GNB1: variants seen among roughly 807,000 people sequenced by gnomAD.
GNB1 encodes the protein G protein subunit beta 1.
GNB1 carries 2 observed loss-of-function variants against 42.9 expected under a neutral mutation model. That is an observed-to-expected ratio of 0.05 (90% CI 0.02 to 0.15). The LOEUF is 0.15. Ranked by LOEUF, GNB1 falls within the 10% of genes least tolerant of loss-of-function variation. The probability of loss-of-function intolerance (pLI) is 1.00; values close to 1 mark genes in which losing one functional copy is unlikely to be tolerated. For missense variants in GNB1, 193 were observed against 462.2 expected (o/e 0.42, Z 5.34); for synonymous variants, 183 against 174.7 (o/e 1.05, Z -0.38).
intron 1 of GNB1, among the ~76,000 whole-genome samples, chr1:1,848,349 A>G (rs1647787393): frequency 8.0e-6 from 1 of 124,988 alleles, no homozygotes; most frequent in African/African-American, 2.8e-5. Flanking sequence ...ATTGCACTCC[A>G]GCCCAGGCAA....
chr1:1,834,888 T>C, intron 2 of GNB1, among the ~76,000 whole-genome samples: 1 of 152,028 alleles, frequency 6.6e-6, no homozygotes, highest in Admixed American at 6.6e-5. Flanking sequence ...CAGGATGGTC[T>C]TGATCTCCTG....
chr1:1,800,041 T>TA (rs1318185119), intron 7 of GNB1, among the ~76,000 whole-genome samples: 4 of 152,220 alleles, frequency 2.6e-5, no homozygotes, highest in Non-Finnish European at 5.9e-5. Context: ...GACTGCCTGA[T>TA]ACAATGACAC....
chr1:1,814,985 G>C (rs967854053), intron 5 of GNB1, among the ~76,000 whole-genome samples: 1 of 151,504 alleles, frequency 6.6e-6, no homozygotes, highest in African/African-American at 2.4e-5. Context: ...GGTGGCAGGC[G>C]CCTGTAGTCC....
chr1:1,876,059 C>T lies in GNB1; in HGVS notation c.-96+14761G>A, dbSNP rs907807334. On this transcript the variant is annotated intron_variant, in intron 1 of 11. Transcript: ENST00000378609. ...CTACAAGCCACACTGCTGGCACCCA[C>T]CAGAAGCCAGAAAGAAGAAAGGAAG... Among the ~76,000 whole-genome samples the T allele has an allele frequency of 3.3e-5, 5 of 152,264 alleles. No homozygotes were observed. In the South Asian group the frequency reaches 8.3e-4, roughly 25 times the overall value.
At chr1:1,889,030 G>C (rs761294509) in intron 1 of GNB1, among the ~76,000 whole-genome samples, 6 of 152,110 alleles carry the variant, frequency 3.9e-5, no homozygotes, top group Non-Finnish European at 8.8e-5. Context: ...AAAGAATCCA[G>C]AATAGACTAT....
At chr1:1,811,199 C>T (rs1398634782) in intron 5 of GNB1, among the ~76,000 whole-genome samples, 2 of 151,838 alleles carry the variant, frequency 1.3e-5, no homozygotes, top group Middle Eastern at 3.2e-3. Context: ...GATTCTCCCA[C>T]CTCAGCCTCT....
At chr1:1,797,925 C>T (rs1646568803) in intron 7 of GNB1, among the ~76,000 whole-genome samples, 1 of 152,186 alleles carries the variant, frequency 6.6e-6, no homozygotes, top group Non-Finnish European at 1.5e-5. Context: ...CCTCACTAGT[C>T]CTCCTCCGAC....
chr1:1,887,573 T>C (rs1041458038), intron 1 of GNB1, among the ~76,000 whole-genome samples: 4 of 152,252 alleles, frequency 2.6e-5, no homozygotes, highest in African/African-American at 9.6e-5. Flanking sequence ...AACATAAATC[T>C]ACCTAGATGA....
intron 5 of GNB1, among the ~76,000 whole-genome samples, chr1:1,815,457 GGGAA>G (rs1400234332): frequency 6.6e-6 from 1 of 152,198 alleles, no homozygotes. Flanking sequence ...CAGTAGAACT[GGGAA>G]GACAGAGGTC....
At chr1:1,856,533 T>C (rs1240730861) in intron 1 of GNB1, among the ~76,000 whole-genome samples, 3 of 152,196 alleles carry the variant, frequency 2.0e-5, no homozygotes, top group Non-Finnish European at 4.4e-5. Context: ...GTTCAGGTGA[T>C]TCTCCTGCCT....
intron 3 of GNB1, among the ~76,000 whole-genome samples, chr1:1,820,464 G>A (rs1049242738): frequency 6.7e-6 from 1 of 150,186 alleles, no homozygotes; most frequent in African/African-American, 2.5e-5. Flanking sequence ...TGGTCATTCT[G>A]CTTATAATTA....
intron 8 of GNB1, 85 bp downstream of exon 8, chr1:1,793,160 A>G (rs1272236548): frequency 3.9e-6 from 3 of 770,046 alleles, no homozygotes; most frequent in Non-Finnish European, 6.7e-6. Flanking sequence ...TTATGTCAAG[A>G]ACCTTATTTC....
intron 7 of GNB1, among the ~76,000 whole-genome samples, chr1:1,798,925 C>CT (rs34414397): frequency 0.32 from 44,850 of 141,528 alleles, 8,054 homozygotes; most frequent in Non-Finnish European, 0.42. Flanking sequence ...CACAAACACT[C>CT]TTTTTTTTTT....
intron 1 of GNB1, among the ~76,000 whole-genome samples, chr1:1,856,403 C>T (rs1648300154): frequency 1.3e-5 from 2 of 152,252 alleles, no homozygotes; most frequent in East Asian, 1.9e-4. Context: ...GGATAACAGG[C>T]ATAAGCCACT....
chr1:1,846,348 C>T (rs1475916911), intron 1 of GNB1, among the ~76,000 whole-genome samples: 1 of 152,126 alleles, frequency 6.6e-6, no homozygotes, highest in African/African-American at 2.4e-5. Flanking sequence ...AGGCGGATCA[C>T]CTAAGCTCAG....
At chr1:1,810,069 C>CAA (rs199541737) in intron 5 of GNB1, among the ~76,000 whole-genome samples, 3 of 150,690 alleles carry the variant, frequency 2.0e-5, no homozygotes, top group Non-Finnish European at 4.4e-5. Context: ...CCTGTCTCCA[C>CAA]AAAAAAATAT....
intron 1 of GNB1, among the ~76,000 whole-genome samples, chr1:1,881,362 CAGAT>C (rs1318031289): frequency 6.6e-6 from 1 of 152,058 alleles, no homozygotes; most frequent in Admixed American, 6.6e-5. Context: ...TGATCCCCAT[CAGAT>C]CAATCTCCTT....
chr1:1,807,989 G>A (rs530657513), intron 5 of GNB1, among the ~76,000 whole-genome samples: 3 of 151,936 alleles, frequency 2.0e-5, no homozygotes, highest in Admixed American at 6.6e-5. Flanking sequence ...GATTACAGGC[G>A]GGAGCCACCA....
intron 1 of GNB1, among the ~76,000 whole-genome samples, chr1:1,860,737 C>T (rs2101644196): frequency 6.6e-6 from 1 of 151,856 alleles, no homozygotes; most frequent in East Asian, 1.9e-4. Context: ...AGGAAGAGTC[C>T]CCACAAACCG....
Sources: allele counts gnomAD v4.1 joint callset (sites outside exome capture counted in the v4.1 genomes callset), GRCh38; gene constraint gnomAD v4.1.1; transcripts MANE v1.5; gene names NCBI Gene and HGNC (gene_info 2026-07-23, HGNC 2026-07-21).